ANTXR2: variants seen among roughly 807,000 people sequenced by gnomAD.
ANTXR2 encodes the protein anthrax toxin receptor 2.
ANTXR2 carries 44 observed loss-of-function variants against 73.7 expected under a neutral mutation model. That is an observed-to-expected ratio of 0.60 (90% CI 0.47 to 0.77). The LOEUF is 0.77. ANTXR2 is among the 30% of genes least tolerant of loss of function. The pLI is 0.00. For synonymous variants in ANTXR2, 217 were observed against 205.9 expected (o/e 1.05, Z -0.46); for missense variants, 604 against 592.5 (o/e 1.02, Z -0.20).
chr4:80,019,837 A>C (rs1314373013), intron 10 of ANTXR2, among the ~76,000 whole-genome samples: 1 of 152,210 alleles, frequency 6.6e-6, no homozygotes, highest in East Asian at 1.9e-4. Flanking sequence ...TATTATAGTT[A>C]AAATATAGTT....
chr4:80,062,264 T>C (rs1734297669), intron 3 of ANTXR2, among the ~76,000 whole-genome samples: 1 of 152,132 alleles, frequency 6.6e-6, no homozygotes, highest in South Asian at 2.1e-4. Context: ...ATTCTCCAAT[T>C]TGGCCTGCAC....
intron 16 of ANTXR2, among the ~76,000 whole-genome samples, chr4:79,933,891 C>T (rs1481067995): frequency 6.6e-6 from 1 of 151,772 alleles, no homozygotes; most frequent in Non-Finnish European, 1.5e-5. Flanking sequence ...CCCAACACCA[C>T]GCCCGGCTAA....
In ANTXR2 at chr4:79,904,992, T is replaced by C. The variant is rs1560832565; in HGVS notation, c.*2437A>G. 1 of 152,172 alleles carries C rather than the reference T, an allele frequency of 6.6e-6. No individual in the cohort carries two copies. The highest frequency in any genetic ancestry group is 1.5e-5 in the Non-Finnish European group (1 of 68,020). The allele number at this position is 152,172 out of a possible 1,614,324, so 9.4% of individuals were successfully genotyped here. A position where few individuals can be genotyped will look rare whatever the true frequency, so the allele number is the denominator to read the frequency against. On this transcript the variant is annotated 3_prime_UTR_variant, in exon 17 of 17. Transcript: ENST00000403729. ...GCATAAAACAGATCTGGTTCATATC[T>C]TTAAGGGCAATGAAATTCCATCAGT...
Position 80,051,731 on chromosome 4 carries a change from T to C in ANTXR2, c.636+2541A>G, listed in dbSNP as rs543058213. ...GCAGGATGTTCATAACAAAGGCCTT[T>C]TTCAGCCCCTTGATTTTTGAGTTGT... On this transcript the variant is annotated intron_variant, in intron 7 of 16. Transcript: ENST00000403729. 8.8e-4 allele frequency among the ~76,000 whole-genome samples: 134 copies of C among 151,812 alleles called. 1 individual carries two copies. Among genetic ancestry groups the C allele is most frequent in the African/African-American group, 3.1e-3 (128 of 41,504 alleles).
intron 12 of ANTXR2, 136 bp downstream of exon 12, chr4:80,008,385 A>C: frequency 1.8e-6 from 1 of 561,542 alleles, no homozygotes; most frequent in Non-Finnish European, 3.0e-6. Context: ...AATTTATTAT[A>C]GTAGTGAAGA....
At chr4:79,907,693 G>A (rs1726973958) in intron 16 of ANTXR2, among the ~76,000 whole-genome samples, 1 of 151,708 alleles carries the variant, frequency 6.6e-6, no homozygotes, top group South Asian at 2.1e-4. Context: ...TAATTAATAT[G>A]GAAAAACAAT....
At chr4:80,068,551 T>C (rs1473476247) in intron 3 of ANTXR2, among the ~76,000 whole-genome samples, 1 of 152,066 alleles carries the variant, frequency 6.6e-6, no homozygotes, top group Non-Finnish European at 1.5e-5. Context: ...GGCAGATCTC[T>C]TGAGGTCAGG....
In ANTXR2 at chr4:79,988,032, T is replaced by C. The variant is rs562989690; in HGVS notation, c.1042-3169A>G. ...CACACTTAAGTACATATCACATTGG[T>C]ACTATAAAGCAACTATACAATCAAG... is the stretch of plus-strand genomic sequence containing the variant. On this transcript the variant is annotated intron_variant, in intron 12 of 16. Coordinates refer to ENST00000403729, the MANE Select transcript of ANTXR2 (RefSeq NM_058172.6). 5.3e-5 allele frequency among the ~76,000 whole-genome samples: 8 copies of C among 151,932 alleles called. No individual in the cohort carries two copies. The East Asian group carries it at 5.8e-4, about 11-fold the overall frequency.
Position 80,054,324 on chromosome 4 carries a change from T to C in ANTXR2, c.584A>G (p.Gln195Arg), listed in dbSNP as rs1274483092. The C allele has an allele frequency of 5.6e-6, 9 of 1,594,130 alleles. No individual in the cohort carries two copies. Among genetic ancestry groups the C allele is most frequent in the African/African-American group, 2.7e-5 (2 of 73,396 alleles). ...QLERIADSKE[Q>R]VFPVKGGFQA... ...AAATCCACCTTTGACAGGGAAAACT[T>C]GCTCCTTGGAATCAGCAATTCTTTC... Residue 195 changes from glutamine to arginine, a missense_variant, in exon 7 of 17, where the codon CAA (glutamine) becomes CGA (arginine). Coordinates refer to ENST00000403729, the MANE Select transcript of ANTXR2 (RefSeq NM_058172.6).
chr4:79,935,205 A>C (rs1399469288), intron 16 of ANTXR2, among the ~76,000 whole-genome samples: 1 of 152,030 alleles, frequency 6.6e-6, no homozygotes, highest in Non-Finnish European at 1.5e-5. Context: ...TTTAAAAATT[A>C]CATGTCATCG....
chr4:80,037,051 G>A (rs73829347), intron 7 of ANTXR2, among the ~76,000 whole-genome samples: 12,548 of 152,096 alleles, frequency 0.083, 630 homozygotes, highest in Middle Eastern at 0.22. Context: ...ACCACACAAG[G>A]GACAAGGCTA....
At chr4:79,953,144 C>T in intron 16 of ANTXR2, among the ~76,000 whole-genome samples, 1 of 152,060 alleles carries the variant, frequency 6.6e-6, no homozygotes, top group South Asian at 2.1e-4. Context: ...CCCTCAGTTC[C>T]CAGTACTCAC....
intron 9 of ANTXR2, among the ~76,000 whole-genome samples, chr4:80,032,160 G>A (rs967223689): frequency 1.3e-5 from 2 of 151,632 alleles, no homozygotes; most frequent in African/African-American, 4.8e-5. Context: ...AATCGCCCTT[G>A]TAACTTTAAT....
At chr4:79,996,796 A>G (rs556090956) in intron 12 of ANTXR2, among the ~76,000 whole-genome samples, 31 of 152,142 alleles carry the variant, frequency 2.0e-4, no homozygotes, top group African/African-American at 7.0e-4. Flanking sequence ...TCAGAAAAGA[A>G]TGTATTCATA....
At position 80,029,209 on chromosome 4, in the gene ANTXR2, C is replaced by A. The variant is rs1732576002; in HGVS notation, c.866+2414G>T. The stretch of plus-strand genomic sequence containing the variant: ...TATTCTCTTCTAAAGAAGACTGTGC[C>A]CAAAGGCAAATTCTAGAGAAAACAA... On this transcript the variant is annotated intron_variant, in intron 10 of 16. Transcript: ENST00000403729. Among the ~76,000 whole-genome samples the A allele has an allele frequency of 2.0e-5, 3 of 151,972 alleles. No homozygotes were observed. The South Asian group carries it at 6.2e-4, about 31-fold the overall frequency.
intron 11 of ANTXR2, among the ~76,000 whole-genome samples, chr4:80,013,879 C>T (rs1290258943): frequency 6.6e-6 from 1 of 152,116 alleles, no homozygotes; most frequent in Non-Finnish European, 1.5e-5. Flanking sequence ...TTACTGTCAA[C>T]CTGAAAAATT....
chr4:80,071,446 A>T (rs1223905058), intron 2 of ANTXR2, 137 bp downstream of exon 2: 1 of 716,690 alleles, frequency 1.4e-6, no homozygotes, highest in Non-Finnish European at 2.5e-6. Context: ...TAATAACAGC[A>T]TGTGTGCAAT....
At chr4:79,918,931 C>T (rs141353323) in intron 16 of ANTXR2, among the ~76,000 whole-genome samples, 27 of 152,174 alleles carry the variant, frequency 1.8e-4, no homozygotes, top group South Asian at 8.3e-4. Flanking sequence ...AATTATACCA[C>T]TGCAATGTTC....
intron 14 of ANTXR2, among the ~76,000 whole-genome samples, chr4:79,983,126 G>A (rs1340737508): frequency 1.3e-5 from 2 of 152,038 alleles, no homozygotes; most frequent in Non-Finnish European, 2.9e-5. Flanking sequence ...AGGAAGGAAT[G>A]CCAGAATTTA....
Sources: allele counts gnomAD v4.1 joint callset (sites outside exome capture counted in the v4.1 genomes callset), GRCh38; gene constraint gnomAD v4.1.1; transcripts MANE v1.5; gene names NCBI Gene and HGNC (gene_info 2026-07-23, HGNC 2026-07-21).